Variants in C4orf36 observed in about 807,000 individuals in gnomAD.
C4orf36 encodes the protein uncharacterized protein C4orf36.
Under a neutral mutation model 12.2 loss-of-function variants are expected in C4orf36, and 11 were observed. The ratio of observed to expected loss-of-function variants is 0.90; its 90% CI spans 0.57 to 1.49. The LOEUF (loss-of-function observed/expected upper bound fraction) is 1.49. Ranked by LOEUF, C4orf36 falls within the 40% of genes most tolerant of loss-of-function variation. The probability of loss-of-function intolerance (pLI) is 0.00; values close to 1 mark genes in which losing one functional copy is unlikely to be tolerated. For synonymous variants in C4orf36, 54 were observed against 51.3 expected (o/e 1.05, Z -0.22); for missense variants, 137 against 133.9 (o/e 1.02, Z -0.11).
At chr4:86,885,698 C>T (rs140496318) in intron 4 of C4orf36, among the ~76,000 whole-genome samples, 21,742 of 152,106 alleles carry the variant, frequency 0.14, 2,041 homozygotes, top group East Asian at 0.32. Flanking sequence ...ATTTCTTTCT[C>T]CTGCCTGATT....
At chr4:86,929,707 C>A in the C4orf36 span, among the ~76,000 whole-genome samples, 1 of 152,100 alleles carries the variant, frequency 6.6e-6, no homozygotes, top group South Asian at 2.1e-4. Context: ...TCTTTATATC[C>A]CCAGAACTGA....
the C4orf36 span, among the ~76,000 whole-genome samples, chr4:86,929,086 ATT>A: frequency 6.6e-6 from 1 of 152,016 alleles, no homozygotes; most frequent in African/African-American, 2.4e-5. Flanking sequence ...ACATAGATTT[ATT>A]TTTTCTTTCC....
chr4:86,880,444 A>G, intron 4 of C4orf36, among the ~76,000 whole-genome samples: 1 of 152,084 alleles, frequency 6.6e-6, no homozygotes, highest in East Asian at 1.9e-4. Context: ...ACAGAGCGAG[A>G]CTCCGTCTCA....
chr4:86,892,270 C>T lies in C4orf36; in HGVS notation c.-161G>A, dbSNP rs1747451346. ...GCGGGTCCCCGCGAGCCGGCGCCGG[C>T]GGCCTGGTTACCCGGGCTCCAGGGG... On this transcript the variant is annotated 5_prime_UTR_variant, in exon 1 of 5. Transcript: ENST00000295898. The T allele has an allele frequency of 1.0e-6, 1 of 985,862 alleles. No individual in the cohort carries two copies. Among genetic ancestry groups the T allele is most frequent in the South Asian group, 4.7e-5 (1 of 21,286 alleles). The allele number at this position is 985,862 out of a possible 1,614,324, so 61.1% of individuals were successfully genotyped here. A position where few individuals can be genotyped will look rare whatever the true frequency, so the allele number is the denominator to read the frequency against.
At chr4:86,919,331 T>C in the C4orf36 span, among the ~76,000 whole-genome samples, 4 of 140,186 alleles carry the variant, frequency 2.9e-5, no homozygotes, top group African/African-American at 8.1e-5. Flanking sequence ...TTTTTTTTTT[T>C]TTTTTTTTTG....
At chr4:86,904,117 T>A in the C4orf36 span, among the ~76,000 whole-genome samples, 1 of 152,224 alleles carries the variant, frequency 6.6e-6, no homozygotes, top group Non-Finnish European at 1.5e-5. Context: ...TCGCCGGGAC[T>A]TTGCGTCACC....
At chr4:86,878,432 A>T (rs1004507497) in intron 4 of C4orf36, among the ~76,000 whole-genome samples, 1 of 152,240 alleles carries the variant, frequency 6.6e-6, no homozygotes, top group African/African-American at 2.4e-5. Context: ...GTGGCAGAAT[A>T]GGAAGCCTCA....
At chr4:86,880,587 T>G (rs775543095) in intron 4 of C4orf36, among the ~76,000 whole-genome samples, 1 of 152,152 alleles carries the variant, frequency 6.6e-6, no homozygotes, top group South Asian at 2.1e-4. Flanking sequence ...ATTAAAACTT[T>G]CCCAGATAAA....
intron 4 of C4orf36, chr4:86,887,414 T>G (rs1458669596): frequency 1.0e-5 from 2 of 191,048 alleles, no homozygotes; most frequent in Non-Finnish European, 2.1e-5. Context: ...CCTTGGGATC[T>G]CAAAGATGCA....
chr4:86,903,055 T>G, the C4orf36 span, among the ~76,000 whole-genome samples: 139,590 of 152,016 alleles, frequency 0.92, 64,953 homozygotes, highest in Non-Finnish European at 0.99. Flanking sequence ...GTTAGCAGCT[T>G]TAGAGATAAT....
intron 4 of C4orf36, among the ~76,000 whole-genome samples, chr4:86,877,616 A>T (rs1178149044): frequency 6.6e-6 from 1 of 152,212 alleles, no homozygotes; most frequent in African/African-American, 2.4e-5. Context: ...AGGATCACTA[A>T]ATCAAATGAG....
chr4:86,879,008 C>T (rs1189110488), intron 4 of C4orf36, among the ~76,000 whole-genome samples: 3 of 152,214 alleles, frequency 2.0e-5, no homozygotes, highest in African/African-American at 2.4e-5. Flanking sequence ...GGTGAAGACC[C>T]TCCCCTGCAT....
the C4orf36 span, among the ~76,000 whole-genome samples, chr4:86,917,325 A>T: frequency 8.6e-6 from 1 of 115,726 alleles, no homozygotes; most frequent in Non-Finnish European, 2.0e-5. Flanking sequence ...AGAGAGAGAG[A>T]GAGATGAAGG....
chr4:86,913,552 T>C, the C4orf36 span: 1 of 1,032,848 alleles, frequency 9.7e-7, no homozygotes. Flanking sequence ...AAAAGAGCGT[T>C]GGGCAGCAGT....
At chr4:86,887,737 C>T (rs1747230760) in intron 4 of C4orf36, 21 bp downstream of exon 4, 1 of 1,613,984 alleles carries the variant, frequency 6.2e-7, no homozygotes, top group Non-Finnish European at 8.5e-7. Context: ...ACACAGAGTA[C>T]AGATTCAATC....
upstream of C4orf36, among the ~76,000 whole-genome samples, chr4:86,896,854 C>T (rs1162205584): frequency 6.6e-6 from 1 of 152,176 alleles, no homozygotes; most frequent in Admixed American, 6.5e-5. Flanking sequence ...TAAATCATCT[C>T]CTCTGTCTAT....
chr4:86,885,964 T>C (rs1385291627), intron 4 of C4orf36, among the ~76,000 whole-genome samples: 2 of 152,200 alleles, frequency 1.3e-5, no homozygotes, highest in East Asian at 3.8e-4. Flanking sequence ...AATCATGTGG[T>C]TTTTGTCTCT....
the C4orf36 span, among the ~76,000 whole-genome samples, chr4:86,909,032 T>C: frequency 6.6e-6 from 1 of 152,166 alleles, no homozygotes; most frequent in Non-Finnish European, 1.5e-5. Flanking sequence ...CTCAATGTGG[T>C]GGGGAGTGGG....
the C4orf36 span, among the ~76,000 whole-genome samples, chr4:86,929,352 T>C: frequency 2.0e-5 from 3 of 152,212 alleles, no homozygotes; most frequent in African/African-American, 7.2e-5. Context: ...TTTTTTATTT[T>C]ATTTTTTATT....
Sources: gnomAD v4.1 joint callset for allele counts (sites outside exome capture counted in the v4.1 genomes callset) on GRCh38, gnomAD v4.1.1 for gene constraint, MANE v1.5 for transcripts, NCBI Gene and HGNC (gene_info 2026-07-23, HGNC 2026-07-21) for gene names.